PPFIBP1: variants seen among roughly 807,000 people sequenced by gnomAD.
PPFIBP1 encodes the protein liprin-beta-1.
PPFIBP1 carries 112 observed loss-of-function variants against 137.8 expected under a neutral mutation model. The ratio of observed to expected loss-of-function variants is 0.81; its 90% CI spans 0.70 to 0.95. The LOEUF is 0.95. Ranked by LOEUF, PPFIBP1 falls within the 40% of genes least tolerant of loss-of-function variation. The probability of loss-of-function intolerance (pLI) is 0.00; values close to 1 mark genes in which losing one functional copy is unlikely to be tolerated. For missense variants in PPFIBP1, 1,083 were observed against 1,196.6 expected (o/e 0.91, Z 1.40); for synonymous variants, 378 against 417.3 (o/e 0.91, Z 1.15).
chr12:27,600,049 G>T (rs2053791112), intron 2 of PPFIBP1, among the ~76,000 whole-genome samples: 1 of 152,186 alleles, frequency 6.6e-6, no homozygotes, highest in African/African-American at 2.4e-5. Flanking sequence ...GGCTGTGTAA[G>T]AGGTTAACGT....
At chr12:27,682,886 T>C (rs2060961594) in intron 24 of PPFIBP1, among the ~76,000 whole-genome samples, 183 bp downstream of exon 24, 1 of 152,174 alleles carries the variant, frequency 6.6e-6, no homozygotes, top group African/African-American at 2.4e-5. Flanking sequence ...TTGGTGATTG[T>C]GATTGAACAG....
chr12:27,623,332 T>C (rs952614225), intron 2 of PPFIBP1, among the ~76,000 whole-genome samples: 1 of 152,198 alleles, frequency 6.6e-6, no homozygotes, highest in African/African-American at 2.4e-5. Flanking sequence ...TCAAAGAGCA[T>C]GAAATTTCAG....
At chr12:27,679,048 T>G (rs1481190561) in intron 19 of PPFIBP1, among the ~76,000 whole-genome samples, 2 of 151,738 alleles carry the variant, frequency 1.3e-5, no homozygotes, top group African/African-American at 2.4e-5. Context: ...AATATAATCT[T>G]AAAGTGGCAT....
intron 1 of PPFIBP1, among the ~76,000 whole-genome samples, chr12:27,557,849 A>G (rs1259922200): frequency 1.3e-5 from 2 of 152,214 alleles, no homozygotes; most frequent in African/African-American, 4.8e-5. Context: ...AATTACTGGA[A>G]TGTGAACTTC....
chr12:27,658,881 A>G (rs1179080478), intron 10 of PPFIBP1, 33 bp downstream of exon 10: 4 of 1,591,106 alleles, frequency 2.5e-6, no homozygotes, highest in Non-Finnish European at 3.4e-6. Context: ...CAGCCTTTAC[A>G]TTCACCAAAA....
rs1024662684 is a variant in PPFIBP1 at position 27,693,861 on chromosome 12, G to A, written c.*979G>A. 2 of 152,196 alleles carry A rather than the reference G, an allele frequency of 1.3e-5. No individual in the cohort carries two copies. The highest frequency in any genetic ancestry group is 2.4e-5 in the African/African-American group (1 of 41,428). The allele number at this position is 152,196 out of a possible 1,614,324, so 9.4% of individuals were successfully genotyped here. A position where few individuals can be genotyped will look rare whatever the true frequency, so the allele number is the denominator to read the frequency against. On this transcript the variant is annotated 3_prime_UTR_variant, in exon 30 of 30. Coordinates refer to ENST00000228425, the MANE Select transcript of PPFIBP1 (RefSeq NM_003622.4). ...CTGGCTAATTTTTGCATTTTTAGTA[G>A]AGACAGGGTTTCACCATATTGGCCA...
chr12:27,633,460 G>C lies in PPFIBP1; in HGVS notation c.64G>C (p.Gly22Arg). 6.2e-7 allele frequency: 1 copy of C among 1,611,490 alleles called. No homozygotes were observed. Among genetic ancestry groups the C allele is most frequent in the Non-Finnish European group, 8.5e-7 (1 of 1,179,250 alleles). ...GGAGCAGATGGATGGTATCATAGCA[G>C]GTGATCTGCATCCTGTGAAAGACAG... ...ALEQMDGIIAGSKALEYSNGI... is the reference protein window; with the variant it reads ...ALEQMDGIIARSKALEYSNGI... Residue 22 changes from glycine to arginine, a missense_variant and splice_region_variant, in exon 3 of 30, where the codon GGT becomes CGT. Coordinates refer to ENST00000228425, the MANE Select transcript of PPFIBP1 (RefSeq NM_003622.4).
intron 6 of PPFIBP1, among the ~76,000 whole-genome samples, chr12:27,649,748 A>G (rs552420357): frequency 2.0e-4 from 30 of 152,190 alleles, no homozygotes; most frequent in Middle Eastern, 3.4e-3. Context: ...ACAGGGTTTC[A>G]CCATACTGTC....
At chr12:27,661,291 C>G (rs748524345) in intron 11 of PPFIBP1, among the ~76,000 whole-genome samples, 2 of 152,234 alleles carry the variant, frequency 1.3e-5, no homozygotes, top group Non-Finnish European at 2.9e-5. Context: ...AAGGAGCTAG[C>G]TTGACAGCCT....
chr12:27,577,464 T>A (rs2050667588), intron 1 of PPFIBP1, among the ~76,000 whole-genome samples: 1 of 152,234 alleles, frequency 6.6e-6, no homozygotes, highest in South Asian at 2.1e-4. Context: ...GACACCTTGC[T>A]TTCTCCTTTG....
chr12:27,635,638 A>G (rs2057607327), intron 4 of PPFIBP1: 1 of 161,738 alleles, frequency 6.2e-6, no homozygotes, highest in Non-Finnish European at 1.4e-5. Context: ...ATTTATGCGC[A>G]GTGTTCCATT....
intron 1 of PPFIBP1, among the ~76,000 whole-genome samples, chr12:27,533,037 A>G (rs1435641117): frequency 6.6e-6 from 1 of 152,122 alleles, no homozygotes; most frequent in East Asian, 1.9e-4. Flanking sequence ...ATGTCTTGCT[A>G]TGTTGCCCAG....
rs369448914 is a variant in PPFIBP1 at position 27,633,910 on chromosome 12, T to G, written c.64+450T>G. Among the ~76,000 whole-genome samples the G allele has an allele frequency of 1.4e-3, 203 of 144,412 alleles. 2 individuals carry two copies. Among genetic ancestry groups the G allele is most frequent in the African/African-American group, 5.0e-3 (196 of 39,354 alleles). The allele number at this position is 144,412 out of a possible 152,430, so 94.7% of individuals were successfully genotyped here. On this transcript the variant is annotated intron_variant, in intron 3 of 29. Coordinates refer to ENST00000228425, the MANE Select transcript of PPFIBP1 (RefSeq NM_003622.4). Reference sequence around the variant, plus strand: ...TGGAGTGCAGTGGTACAATCTCAGCTCACTGCAACCTCCGCCTCCTGGGTT... The same window carrying G: ...TGGAGTGCAGTGGTACAATCTCAGCGCACTGCAACCTCCGCCTCCTGGGTT...
At chr12:27,602,873 A>G (rs1054701712) in intron 2 of PPFIBP1, among the ~76,000 whole-genome samples, 19 of 152,218 alleles carry the variant, frequency 1.2e-4, no homozygotes, top group African/African-American at 4.6e-4. Context: ...AGTTTTTGCA[A>G]CAACCCTTTC....
chr12:27,618,586 A>T (rs1251772693), intron 2 of PPFIBP1, among the ~76,000 whole-genome samples: 12 of 152,180 alleles, frequency 7.9e-5, no homozygotes, highest in Non-Finnish European at 1.5e-5. Flanking sequence ...TCTACCTATA[A>T]TCTGGAACTA....
intron 24 of PPFIBP1, among the ~76,000 whole-genome samples, chr12:27,685,701 A>C (rs771479678): frequency 5.3e-5 from 8 of 152,192 alleles, no homozygotes; most frequent in Non-Finnish European, 1.0e-4. Context: ...TTACTGGACA[A>C]ACTGGTGAAA....
At chr12:27,659,555 G>C (rs993150735) in intron 10 of PPFIBP1, among the ~76,000 whole-genome samples, 3 of 151,934 alleles carry the variant, frequency 2.0e-5, no homozygotes, top group Non-Finnish European at 2.9e-5. Flanking sequence ...CTAGGAGTTT[G>C]AGGCTGCAGT....
At chr12:27,596,767 A>T (rs2053361689) in intron 2 of PPFIBP1, among the ~76,000 whole-genome samples, 1 of 152,226 alleles carries the variant, frequency 6.6e-6, no homozygotes, top group Non-Finnish European at 1.5e-5. Flanking sequence ...TAATCCTCAC[A>T]GCAACTCAAT....
chr12:27,689,040 A>T lies in PPFIBP1; in HGVS notation c.2522A>T (p.Glu841Val). The T allele has an allele frequency of 6.2e-7, 1 of 1,613,770 alleles. No homozygotes were observed. Among genetic ancestry groups the T allele is most frequent in the Non-Finnish European group, 8.5e-7 (1 of 1,179,932 alleles). The change falls in exon 27 of 30, where the codon GAA becomes GTA. Residue 841 changes from glutamate (E) to valine (V), a missense_variant. Physicochemically the swap from Glu to Val is moderately radical, Grantham distance 121 (BLOSUM62 -2). Coordinates refer to ENST00000228425, the MANE Select transcript of PPFIBP1 (RefSeq NM_003622.4). ...GTTCTAGAGCCTCGTTTTAACGTAG[A>T]AACAATGGCTCAGTTATTGAACATC... is the stretch of plus-strand genomic sequence containing the variant. The part of the protein sequence containing the change: ...LMVLEPRFNV[E>V]TMAQLLNIPP...
Sources: gnomAD v4.1 joint callset for allele counts (sites outside exome capture counted in the v4.1 genomes callset) on GRCh38, gnomAD v4.1.1 for gene constraint, MANE v1.5 for transcripts, NCBI Gene and HGNC (gene_info 2026-07-23, HGNC 2026-07-21) for gene names.